The following IL10RA variants were observed in gnomAD, a reference collection of about 807,000 sequenced individuals.
The protein encoded by IL10RA is interleukin-10 receptor subunit alpha.
Under a neutral mutation model 29.6 loss-of-function variants are expected in IL10RA, and 18 were observed. That is an observed-to-expected ratio of 0.61 (90% CI 0.42 to 0.90). IL10RA has a LOEUF of 0.90. Among genes scored for constraint, IL10RA ranks in the 40% least tolerant of loss-of-function variants. The pLI is 0.00. For missense variants in IL10RA, 634 were observed against 716.6 expected, an observed-to-expected ratio of 0.88 and a Z score of 1.32; for synonymous variants, 292 against 294.1, an observed-to-expected ratio of 0.99 and a Z score of 0.07.
intron 2 of IL10RA, 25 bp downstream of exon 2, chr11:117,988,527 G>A (rs770564286): frequency 6.2e-7 from 1 of 1,613,190 alleles, no homozygotes; most frequent in Non-Finnish European, 8.5e-7. Context: ...AGAGGGAGGG[G>A]GAGGGAGGAG....
rs1316327524 is a variant in IL10RA at position 118,000,919 on chromosome 11, C to G, written c.*1278C>G. 2.2e-6 allele frequency: 1 copy of G among 454,118 alleles called. No individual in the cohort carries two copies. Among genetic ancestry groups the G allele is most frequent in the Non-Finnish European group, 4.4e-6 (1 of 226,794 alleles). 28.1% of individuals were successfully genotyped at this position (454,118 alleles called of 1,614,324 possible). A position where few individuals can be genotyped will look rare whatever the true frequency, so the allele number is the denominator to read the frequency against. On this transcript the variant is annotated 3_prime_UTR_variant, in exon 7 of 7. Transcript: ENST00000227752. The stretch of plus-strand genomic sequence containing the variant: ...ATTATGGGCCCTGCCTCCCCATAGG[C>G]CATTTGGACTCTGCCTTCAAACAAA...
intron 3 of IL10RA, among the ~76,000 whole-genome samples, chr11:117,992,265 A>C (rs887735446): frequency 3.3e-5 from 5 of 152,200 alleles, no homozygotes; most frequent in Admixed American, 3.3e-4. Context: ...TAGATTTTCG[A>C]GGAACATCCA....
At chr11:117,997,320 TA>T (rs1380277213) in intron 6 of IL10RA, among the ~76,000 whole-genome samples, 3 of 152,244 alleles carry the variant, frequency 2.0e-5, no homozygotes, top group Admixed American at 6.5e-5. Context: ...CTAAGCACTG[TA>T]GACACATTAC....
intron 6 of IL10RA, among the ~76,000 whole-genome samples, chr11:117,996,682 T>C (rs2508454): frequency 0.66 from 100,197 of 152,134 alleles, 33,681 homozygotes; most frequent in East Asian, 0.98. Flanking sequence ...CCTCACCCTC[T>C]CAGGTTCCAG....
At chr11:117,992,591 T>G (rs1036346128) in intron 3 of IL10RA, among the ~76,000 whole-genome samples, 2 of 152,254 alleles carry the variant, frequency 1.3e-5, no homozygotes, top group Non-Finnish European at 2.9e-5. Context: ...ATTTTGGATA[T>G]GAACCCCTTA....
chr11:117,996,881 C>A (rs2058060454), intron 6 of IL10RA, among the ~76,000 whole-genome samples: 1 of 152,254 alleles, frequency 6.6e-6, no homozygotes, highest in Non-Finnish European at 1.5e-5. Flanking sequence ...CCGCACCCTG[C>A]CCCTTCTGTA....
intron 5 of IL10RA, chr11:117,994,873 G>C (rs1314514202): frequency 6.4e-6 from 1 of 155,192 alleles, no homozygotes; most frequent in Non-Finnish European, 1.4e-5. Flanking sequence ...ACAAATTTCA[G>C]TTTGTGAAGG....
chr11:117,993,954 C>T (rs1265142545), intron 4 of IL10RA, 45 bp from the exon 5 acceptor site: 2 of 1,574,722 alleles, frequency 1.3e-6, no homozygotes, highest in South Asian at 1.1e-5. Flanking sequence ...GTCCGTGTGC[C>T]ATGAAATAAA....
At position 117,993,237 on chromosome 11, in the gene IL10RA, T is replaced by G. The variant is rs779063521; in HGVS notation, c.368-4T>G. Reference sequence around the variant, plus strand: ...GTATTCCCCCCCACCCCAACTCCATTTAGTGACTCTGACAGTTGGCAGTGT... The same window carrying G: ...GTATTCCCCCCCACCCCAACTCCATGTAGTGACTCTGACAGTTGGCAGTGT... On this transcript the variant is annotated splice_polypyrimidine_tract_variant and splice_region_variant and intron_variant, in intron 3 of 6. Coordinates refer to ENST00000227752, the MANE Select transcript of IL10RA (RefSeq NM_001558.4). The G allele has an allele frequency of 5.6e-6, 9 of 1,612,612 alleles. No homozygotes were observed.
chr11:117,993,851 GC>G (rs1364561864), intron 4 of IL10RA, 147 bp from the exon 5 acceptor site: 1 of 706,440 alleles, frequency 1.4e-6, no homozygotes, highest in East Asian at 2.7e-5. Context: ...GAGATCATGT[GC>G]TGCATTGGTA....
At position 117,989,588 on chromosome 11, in the gene IL10RA, C is replaced by T; in HGVS notation, c.335C>T (p.Thr112Ile). 6.2e-7 allele frequency: 1 copy of T among 1,614,156 alleles called. No individual in the cohort carries two copies. The highest frequency in any genetic ancestry group is 8.5e-7 in the Non-Finnish European group (1 of 1,180,040). Residue 112 changes from threonine to isoleucine, a missense_variant, in exon 3 of 7, where the codon ACC (threonine) becomes ATC (isoleucine). Coordinates refer to ENST00000227752, the MANE Select transcript of IL10RA (RefSeq NM_001558.4). The surrounding 1 kb of genome is among the most constrained non-coding windows in gnomAD (Gnocchi z 4.5). ...GACGGCAGCCGGCACTCCAACTGGA[C>T]CGTCACCAACACCCGCTTCTCTGTG... ...AVDGSRHSNW[T>I]VTNTRFSVDE...
rs1414165043 is a variant in IL10RA, at chr11:117,999,833, A to T, written c.*192A>T. ...GGGCAGGAGGAGGCCAACTCACTGA[A>T]CTAGTGCAGGGTATGTGGGTGGCAC... On this transcript the variant is annotated 3_prime_UTR_variant, in exon 7 of 7. Coordinates refer to ENST00000227752, the MANE Select transcript of IL10RA (RefSeq NM_001558.4). The T allele has an allele frequency of 1.4e-6, 1 of 698,658 alleles. No individual in the cohort carries two copies. The highest frequency in any genetic ancestry group is 2.6e-6 in the Non-Finnish European group (1 of 384,752). The allele number at this position is 698,658 out of a possible 1,614,324, so 43.3% of individuals were successfully genotyped here.
chr11:117,987,483 G>C (rs1243623302), intron 1 of IL10RA: 1 of 154,656 alleles, frequency 6.5e-6, no homozygotes, highest in East Asian at 1.9e-4. Flanking sequence ...TAGGGAGCGG[G>C]AGCAGAGTCG....
Position 117,999,345 on chromosome 11 carries a change from C to G in IL10RA, c.1441C>G (p.Leu481Val), listed in dbSNP as rs1204148050. Residue 481 changes from leucine to valine, a missense_variant, in exon 7 of 7, where the codon CTG becomes GTG. Leu to Val is a conservative substitution (Grantham distance 32, BLOSUM62 1). Coordinates refer to ENST00000227752, the MANE Select transcript of IL10RA (RefSeq NM_001558.4). ...DGLGPKFGRC[L>V]VDEAGLHPPA... is the part of the protein sequence containing the mutation. ...CCTTGGCCCCAAATTCGGGAGATGC[C>G]TGGTTGATGAGGCAGGCTTGCATCC... is the stretch of plus-strand genomic sequence containing the variant. 1.2e-6 allele frequency: 2 copies of G among 1,614,118 alleles called. No homozygotes were observed. Among genetic ancestry groups the G allele is most frequent in the African/African-American group, 2.7e-5 (2 of 74,952 alleles).
chr11:117,992,998 G>A, intron 3 of IL10RA: 1 of 529,498 alleles, frequency 1.9e-6, no homozygotes, highest in Non-Finnish European at 3.4e-6. Flanking sequence ...AATCAATTGT[G>A]GGTTTATTTC....
chr11:117,991,242 G>T (rs1029874759), intron 3 of IL10RA, among the ~76,000 whole-genome samples: 9 of 151,948 alleles, frequency 5.9e-5, no homozygotes, highest in Admixed American at 5.2e-4. Flanking sequence ...TGTTGAAAAC[G>T]TTTTATAAAA....
chr11:117,998,903 C>T lies in IL10RA; in HGVS notation c.999C>T (p.Pro333=), dbSNP rs570350055. ...STKPSLQTEE[P]QFLLPDPHPQ... ...AGCCATCCCTGCAGACTGAAGAGCC[C>T]CAGTTCCTCCTCCCTGACCCTCACC... Residue 333 remains proline, a synonymous_variant, in exon 7 of 7, where the codon CCC becomes CCT. Coordinates refer to ENST00000227752, the MANE Select transcript of IL10RA (RefSeq NM_001558.4). 14 of 1,614,172 alleles carry T rather than the reference C, an allele frequency of 8.7e-6. 1 individual carries two copies. Among genetic ancestry groups the T allele is most frequent in the Middle Eastern group, 3.3e-4 (2 of 6,062 alleles).
Position 117,986,450 on chromosome 11 carries a change from C to A in IL10RA, c.-18C>A, listed in dbSNP as rs954370602. 10 of 1,550,072 alleles carry A rather than the reference C, an allele frequency of 6.5e-6. No homozygotes were observed. In the Admixed American group the frequency reaches 1.2e-4, roughly 18 times the overall value. ...AGGCCGGCTCCGCTCCGGCCCCGGA[C>A]GATGCGGCGCGCCCAGGATGCTGCC... On this transcript the variant is annotated 5_prime_UTR_variant, in exon 1 of 7. Coordinates refer to ENST00000227752, the MANE Select transcript of IL10RA (RefSeq NM_001558.4).
rs2058007474 is a variant in IL10RA at position 117,989,325 on chromosome 11, G to A, written c.189-117G>A. 3 of 925,678 alleles carry A rather than the reference G, an allele frequency of 3.2e-6. No homozygotes were observed. The highest frequency in any genetic ancestry group is 3.2e-5 in the African/African-American group (2 of 61,644). The allele number at this position is 925,678 out of a possible 1,614,324, so 57.3% of individuals were successfully genotyped here. A position where few individuals can be genotyped will look rare whatever the true frequency, so the allele number is the denominator to read the frequency against. ...CCGTGGACTAGAGGATATAGCCTGA[G>A]GGCTGTCCCAGTTTCTCCCAATGTG... is the stretch of plus-strand genomic sequence containing the variant. On this transcript the variant is annotated intron_variant, in intron 2 of 6. Transcript: ENST00000227752. The surrounding 1 kb of genome is among the most constrained non-coding windows in gnomAD (Gnocchi z 4.5).
Sources: allele counts gnomAD v4.1 joint callset (sites outside exome capture counted in the v4.1 genomes callset), GRCh38; gene constraint gnomAD v4.1.1; non-coding constraint Gnocchi (gnomAD v3.1); transcripts MANE v1.5; gene names NCBI Gene and HGNC (gene_info 2026-07-23, HGNC 2026-07-21).